Variants in TANK observed in about 807,000 individuals in gnomAD.
TANK encodes the protein TRAF family member associated NFKB activator, also known as TRAF family member-associated NF-kappa-B activator.
In TANK, 15 loss-of-function variants were observed where a neutral mutation model predicts 43.6. That is an observed-to-expected ratio of 0.34 (90% CI 0.23 to 0.53). The LOEUF (loss-of-function observed/expected upper bound fraction) is 0.53. Ranked by LOEUF, TANK falls within the 20% of genes least tolerant of loss-of-function variation. TANK has a pLI of 0.94. For missense variants in TANK, 417 were observed against 498.6 expected (o/e 0.84, Z 1.56); for synonymous variants, 162 against 178.2 (o/e 0.91, Z 0.73).
At chr2:161,190,291 A>G (rs913925675) in intron 2 of TANK, among the ~76,000 whole-genome samples, 15 of 152,220 alleles carry the variant, frequency 9.9e-5, no homozygotes, top group African/African-American at 3.1e-4. Context: ...TGTTATTCAA[A>G]AAAGCAAAAT....
intron 6 of TANK, among the ~76,000 whole-genome samples, chr2:161,225,412 C>T (rs1687565224): frequency 6.6e-6 from 1 of 152,002 alleles, no homozygotes; most frequent in African/African-American, 2.4e-5. Flanking sequence ...GTGTTTAATG[C>T]ACAAAATACA....
rs1222734375 is a variant in TANK at position 161,223,930 on chromosome 2, G to T, written c.343G>T (p.Val115Phe). Residue 115 changes from valine (V) to phenylalanine (F), a missense_variant, in exon 5 of 8, where the codon GTT (valine) becomes TTT (phenylalanine). Physicochemically the swap from Val to Phe is conservative, Grantham distance 50 (BLOSUM62 -1). Transcript: ENST00000392749. ...TATGTTTAAGGTAAGAAGACAAGAG[G>T]TTTCTTCTCCTAGAAAAGAAACTTC... ...EKLPKVRRQE[V>F]SSPRKETSAR... The T allele has an allele frequency of 6.2e-7, 1 of 1,601,022 alleles. No homozygotes were observed. The highest frequency in any genetic ancestry group is 1.7e-5 in the Admixed American group (1 of 59,780).
chr2:161,140,589 C>T (rs553922469), intron 1 of TANK, among the ~76,000 whole-genome samples: 1 of 151,678 alleles, frequency 6.6e-6, no homozygotes, highest in African/African-American at 2.4e-5. Context: ...TTTCTCAATG[C>T]CTTTTTTAGA....
chr2:161,147,130 G>A (rs890881702), intron 1 of TANK, among the ~76,000 whole-genome samples: 1 of 152,122 alleles, frequency 6.6e-6, no homozygotes, highest in East Asian at 1.9e-4. Context: ...GTGTTGGGGT[G>A]GGGGTGTGGG....
chr2:161,176,044 T>C (rs1033207271), intron 1 of TANK, among the ~76,000 whole-genome samples: 2 of 152,158 alleles, frequency 1.3e-5, no homozygotes, highest in African/African-American at 4.8e-5. Flanking sequence ...GAGAGATTGC[T>C]ATAGCATCAG....
chr2:161,216,367 C>G (rs1288012348), intron 4 of TANK: 1 of 466,418 alleles, frequency 2.1e-6, no homozygotes. Context: ...CTCCTGCTTT[C>G]TCTTTTTTAC....
upstream of TANK, chr2:161,160,286 A>C: frequency 1.1e-4 from 24 of 220,752 alleles, no homozygotes; most frequent in East Asian, 1.4e-4. Context: ...CGGGGCGGGC[A>C]GGGGCGGGGC....
At chr2:161,140,398 T>C (rs912376871) in intron 1 of TANK, among the ~76,000 whole-genome samples, 1 of 152,126 alleles carries the variant, frequency 6.6e-6, no homozygotes, top group African/African-American at 2.4e-5. Flanking sequence ...ATACATGGTA[T>C]TCCCTTGAAC....
chr2:161,147,289 C>CT (rs1683940226), intron 1 of TANK, among the ~76,000 whole-genome samples: 1 of 152,210 alleles, frequency 6.6e-6, no homozygotes, highest in African/African-American at 2.4e-5. Context: ...GCTACCATCT[C>CT]TCCCCCCAAG....
intron 1 of TANK, chr2:161,161,096 A>G: frequency 1.0e-6 from 1 of 989,130 alleles, no homozygotes; most frequent in African/African-American, 1.6e-5. Context: ...GTGGGAACCC[A>G]GGCGTTAGGT....
At chr2:161,185,259 A>C (rs1382304070) in intron 2 of TANK, among the ~76,000 whole-genome samples, 1 of 152,222 alleles carries the variant, frequency 6.6e-6, no homozygotes, top group East Asian at 1.9e-4. Flanking sequence ...GCAGTACCAG[A>C]TATCCAAGAA....
intron 1 of TANK, among the ~76,000 whole-genome samples, chr2:161,146,107 G>A (rs1683902887): frequency 6.6e-6 from 1 of 152,026 alleles, no homozygotes; most frequent in Non-Finnish European, 1.5e-5. Flanking sequence ...ATTCTGCTTG[G>A]TCAATTCGGC....
At chr2:161,212,725 A>G in intron 4 of TANK, 2 of 985,356 alleles carry the variant, frequency 2.0e-6, no homozygotes, top group East Asian at 1.1e-4. Context: ...AGCACACAGA[A>G]TAGAGTCGAT....
intron 4 of TANK, 158 bp downstream of exon 4, chr2:161,204,951 A>T: frequency 7.1e-7 from 1 of 1,415,868 alleles, no homozygotes; most frequent in Middle Eastern, 2.3e-4. Flanking sequence ...ACTATTTTCA[A>T]GTAAAATAAA....
intron 2 of TANK, among the ~76,000 whole-genome samples, chr2:161,180,541 C>T (rs920543641): frequency 1.3e-5 from 2 of 152,124 alleles, no homozygotes; most frequent in Non-Finnish European, 2.9e-5. Flanking sequence ...TCCATGTTTC[C>T]ATACGATCAA....
intron 1 of TANK, among the ~76,000 whole-genome samples, chr2:161,163,731 T>TA (rs2105255412): frequency 6.6e-6 from 1 of 152,248 alleles, no homozygotes; most frequent in South Asian, 2.1e-4. Context: ...GGTGAAAAAA[T>TA]ATACAAGCTT....
At chr2:161,224,792 A>G in intron 6 of TANK, 46 bp downstream of exon 6, 2 of 1,165,890 alleles carry the variant, frequency 1.7e-6, no homozygotes, top group East Asian at 5.2e-5. Context: ...GCTTGATTGA[A>G]ATTGATTTCC....
At chr2:161,175,182 G>T (rs1685123663) in intron 1 of TANK, among the ~76,000 whole-genome samples, 1 of 152,108 alleles carries the variant, frequency 6.6e-6, no homozygotes, top group Non-Finnish European at 1.5e-5. Flanking sequence ...CATTCTTACT[G>T]TATCAGTGGT....
chr2:161,174,027 A>C (rs1420550618), intron 1 of TANK, among the ~76,000 whole-genome samples: 1 of 152,194 alleles, frequency 6.6e-6, no homozygotes, highest in Non-Finnish European at 1.5e-5. Flanking sequence ...AAAAATCAGA[A>C]GTATTAGTAC....
Sources: allele counts gnomAD v4.1 joint callset (sites outside exome capture counted in the v4.1 genomes callset), GRCh38; gene constraint gnomAD v4.1.1; transcripts MANE v1.5; gene names NCBI Gene and HGNC (gene_info 2026-07-23, HGNC 2026-07-21).